Variants in KCNJ15 observed in about 807,000 individuals in gnomAD.
KCNJ15 encodes the protein potassium inwardly rectifying channel subfamily J member 15.
Under a neutral mutation model 23.0 loss-of-function variants are expected in KCNJ15, and 14 were observed. That is an observed-to-expected ratio of 0.61 (90% CI 0.40 to 0.95). KCNJ15 has a LOEUF of 0.95. KCNJ15 is among the 40% of genes least tolerant of loss of function. KCNJ15 has a pLI of 0.00. For synonymous variants in KCNJ15, 185 were observed against 183.2 expected, an observed-to-expected ratio of 1.01 and a Z score of -0.08; for missense variants, 388 against 461.8, an observed-to-expected ratio of 0.84 and a Z score of 1.46.
chr21:38,256,630 A>G (rs1325168139), upstream of KCNJ15: 1 of 151,942 alleles, frequency 6.6e-6, no homozygotes, highest in Non-Finnish European at 1.5e-5. Context: ...CTGGTTATTT[A>G]TTTATAGTTT....
chr21:38,254,251 C>T (rs1980037533), upstream of KCNJ15, among the ~76,000 whole-genome samples: 1 of 152,166 alleles, frequency 6.6e-6, no homozygotes, highest in Non-Finnish European at 1.5e-5. Context: ...TTTAGAATTT[C>T]CCCACTCACC....
chr21:38,298,170 A>AC (rs1358294680), intron 2 of KCNJ15: 4 of 152,190 alleles, frequency 2.6e-5, no homozygotes, highest in African/African-American at 7.2e-5. Flanking sequence ...TATGTCAGTC[A>AC]TCAGGCAGGT....
At chr21:38,252,896 C>T (rs1979930805), upstream of KCNJ15, among the ~76,000 whole-genome samples, 1 of 152,196 alleles carries the variant, frequency 6.6e-6, no homozygotes, top group Admixed American at 6.5e-5. Flanking sequence ...TTAATTTTAA[C>T]AGCCTGCTGC....
rs1375838620 is a variant in KCNJ15, at chr21:38,304,158, G to T, written c.*3769G>T. 6.7e-6 allele frequency: 1 copy of T among 149,112 alleles called. No individual in the cohort carries two copies. Among genetic ancestry groups the T allele is most frequent in the Non-Finnish European group, 1.5e-5 (1 of 67,528 alleles). The allele number at this position is 149,112 out of a possible 1,614,324, so 9.2% of individuals were successfully genotyped here. A position where few individuals can be genotyped will look rare whatever the true frequency, so the allele number is the denominator to read the frequency against. ...GTACATGTGCACAACGTGCAGGTTT[G>T]TTACATATGTATACATGTGCCATGT... On this transcript the variant is annotated 3_prime_UTR_variant, in exon 3 of 3. Transcript: ENST00000398938.
intron 1 of KCNJ15, among the ~76,000 whole-genome samples, chr21:38,278,289 G>A (rs926512235): frequency 2.0e-5 from 3 of 152,222 alleles, no homozygotes; most frequent in Non-Finnish European, 4.4e-5. Flanking sequence ...AGGTGGTGGG[G>A]TGTGATGGAT....
At chr21:38,288,766 A>G (rs114630261) in intron 1 of KCNJ15, among the ~76,000 whole-genome samples, 2,505 of 152,332 alleles carry the variant, frequency 0.016, 82 homozygotes, top group African/African-American at 0.058. Flanking sequence ...ATGATATGGC[A>G]TAAAAAGGCA....
At chr21:38,258,661 G>T (rs1218483628) in intron 1 of KCNJ15, among the ~76,000 whole-genome samples, 1 of 152,198 alleles carries the variant, frequency 6.6e-6, no homozygotes, top group East Asian at 1.9e-4. Context: ...TAGTCTGGGG[G>T]TTTTACAGAA....
upstream of KCNJ15, among the ~76,000 whole-genome samples, chr21:38,255,169 A>T (rs1038375582): frequency 1.3e-5 from 2 of 152,184 alleles, no homozygotes; most frequent in African/African-American, 4.8e-5. Context: ...TCAGGACCAG[A>T]TCAGATAAGG....
chr21:38,247,282 A>G (rs1427106930), intron 1 of KCNJ15, among the ~76,000 whole-genome samples: 15 of 150,814 alleles, frequency 9.9e-5, no homozygotes, highest in East Asian at 1.9e-4. Flanking sequence ...GGCTAAATGG[A>G]TAGATGGATA....
chr21:38,304,707 G>C lies in KCNJ15; in HGVS notation c.*4318G>C, dbSNP rs796741571. The C allele has an allele frequency of 2.0e-5, 2 of 99,276 alleles. No homozygotes were observed. The highest frequency in any genetic ancestry group is 7.0e-5 in the African/African-American group (2 of 28,472). The allele number at this position is 99,276 out of a possible 1,614,324, so 6.1% of individuals were successfully genotyped here. On this transcript the variant is annotated 3_prime_UTR_variant, in exon 3 of 3. Coordinates refer to ENST00000398938, the MANE Select transcript of KCNJ15 (RefSeq NM_170736.3). Reference sequence around the variant, plus strand: ...TTTTTTTTTTTTGATACTGGGTCTCGCTCTGTCGCCCAGGCTGCTAGAGTG... The same window carrying C: ...TTTTTTTTTTTTGATACTGGGTCTCCCTCTGTCGCCCAGGCTGCTAGAGTG...
chr21:38,237,949 A>AAACAAC (rs3842454), intron 1 of KCNJ15, among the ~76,000 whole-genome samples: 69,571 of 151,118 alleles, frequency 0.46, 16,727 homozygotes, highest in East Asian at 0.86. Flanking sequence ...CACAAGCTAA[A>AAACAAC]AACAACAACA....
chr21:38,271,459 C>G (rs775250877), intron 1 of KCNJ15, among the ~76,000 whole-genome samples: 2 of 152,166 alleles, frequency 1.3e-5, no homozygotes, highest in African/African-American at 2.4e-5. Context: ...ACTGGTTTAT[C>G]GTTTGGCAAC....
At chr21:38,243,503 C>A (rs1412751855) in intron 1 of KCNJ15, among the ~76,000 whole-genome samples, 2 of 152,154 alleles carry the variant, frequency 1.3e-5, no homozygotes, top group Non-Finnish European at 2.9e-5. Flanking sequence ...CTCACTGCAA[C>A]CCCCACCTCC....
intron 1 of KCNJ15, among the ~76,000 whole-genome samples, chr21:38,287,182 A>G (rs1984000066): frequency 6.6e-6 from 1 of 152,238 alleles, no homozygotes; most frequent in Non-Finnish European, 1.5e-5. Context: ...AGAGCCCCTG[A>G]GCTAATATCT....
At chr21:38,235,997 A>G (rs1978576116) in intron 1 of KCNJ15, among the ~76,000 whole-genome samples, 1 of 152,192 alleles carries the variant, frequency 6.6e-6, no homozygotes, top group Non-Finnish European at 1.5e-5. Context: ...GATTGTGTTA[A>G]TATTTCTGTT....
At chr21:38,247,062 A>G in intron 1 of KCNJ15, among the ~76,000 whole-genome samples, 1 of 89,528 alleles carries the variant, frequency 1.1e-5, no homozygotes. Flanking sequence ...GGGTGAATGG[A>G]TGGATGGATG....
At chr21:38,235,473 G>A (rs1218494591) in intron 1 of KCNJ15, among the ~76,000 whole-genome samples, 2 of 152,104 alleles carry the variant, frequency 1.3e-5, no homozygotes, top group African/African-American at 4.8e-5. Flanking sequence ...AGAATGGCTT[G>A]AACCTGGGAG....
At position 38,299,670 on chromosome 21, in the gene KCNJ15, G is replaced by C. The variant is rs1985552561; in HGVS notation, c.409G>C (p.Glu137Gln). ...TIGYGVRSIT[E>Q]ECPHAIFLLV... ...TGGCTATGGAGTCCGTTCCATCACA[G>C]AGGAATGTCCTCATGCCATCTTCCT... Residue 137 changes from glutamate (E) to glutamine (Q), a missense_variant, in exon 3 of 3, where the codon GAG (glutamate) becomes CAG (glutamine). By Grantham distance (29) the Glu-to-Gln change is conservative (BLOSUM62 2). Coordinates refer to ENST00000398938, the MANE Select transcript of KCNJ15 (RefSeq NM_170736.3). The surrounding 1 kb of genome is among the most constrained non-coding windows in gnomAD (Gnocchi z 4.5). The C allele has an allele frequency of 6.2e-7, 1 of 1,614,064 alleles. No homozygotes were observed. Among genetic ancestry groups the C allele is most frequent in the Non-Finnish European group, 8.5e-7 (1 of 1,180,040 alleles).
At chr21:38,234,527 G>T (rs1274779642) in intron 1 of KCNJ15, among the ~76,000 whole-genome samples, 1 of 152,186 alleles carries the variant, frequency 6.6e-6, no homozygotes, top group Non-Finnish European at 1.5e-5. Context: ...TTTGTGATCT[G>T]TTCAAAAGAC....
Sources: allele counts gnomAD v4.1 joint callset (sites outside exome capture counted in the v4.1 genomes callset), GRCh38; gene constraint gnomAD v4.1.1; non-coding constraint Gnocchi (gnomAD v3.1); transcripts MANE v1.5; gene names NCBI Gene and HGNC (gene_info 2026-07-23, HGNC 2026-07-21).